The following NCOA2 variants were observed in gnomAD, a reference collection of about 807,000 sequenced individuals.
NCOA2 encodes the protein nuclear receptor coactivator 2.
A neutral mutation model predicts 145.1 loss-of-function variants in NCOA2; 21 were observed. That is an observed-to-expected ratio of 0.14 (90% CI 0.10 to 0.21). The LOEUF (loss-of-function observed/expected upper bound fraction) is 0.21, where lower values mean the gene tolerates loss of function less well. Among genes scored for constraint, NCOA2 ranks in the 10% least tolerant of loss-of-function variants. The pLI, the probability that NCOA2 is intolerant of heterozygous loss-of-function variation, is 1.00. For synonymous variants in NCOA2, 619 were observed against 637.5 expected (o/e 0.97, Z 0.44); for missense variants, 1,472 against 1,837.6 (o/e 0.80, Z 3.64).
intron 21 of NCOA2, among the ~76,000 whole-genome samples, chr8:70,123,213 G>A (rs1808021180): frequency 1.3e-5 from 2 of 152,130 alleles, no homozygotes; most frequent in Non-Finnish European, 2.9e-5. Context: ...TTGCCTTCAC[G>A]TTCCAAAGTA....
At chr8:70,400,076 T>C (rs1463046731) in intron 1 of NCOA2, among the ~76,000 whole-genome samples, 1 of 152,142 alleles carries the variant, frequency 6.6e-6, no homozygotes, top group Non-Finnish European at 1.5e-5. Context: ...CAAATCCCCC[T>C]CCAAGCCTTA....
rs879309098 is a variant in NCOA2, at chr8:70,110,180, GAC to G, written c.*3450_*3451del. On this transcript the variant is annotated 3_prime_UTR_variant, in exon 23 of 23. Coordinates refer to ENST00000452400, the MANE Select transcript of NCOA2 (RefSeq NM_006540.4). ...CTCACAAATGACAAAGGAAAAAAATGACAGTTAAATGTCTGAAGAAATGTATC... is the reference window on the plus strand; with the variant it reads ...CTCACAAATGACAAAGGAAAAAAATGAGTTAAATGTCTGAAGAAATGTATC... 70 of 201,900 alleles carry G rather than the reference GAC, an allele frequency of 3.5e-4. No homozygotes were observed. Among genetic ancestry groups the G allele is most frequent in the Admixed American group, 9.0e-4 (15 of 16,724 alleles). 12.5% of individuals were successfully genotyped at this position (201,900 alleles called of 1,614,324 possible). A position where few individuals can be genotyped will look rare whatever the true frequency, so the allele number is the denominator to read the frequency against.
chr8:70,412,070 A>T, the NCOA2 span, among the ~76,000 whole-genome samples: 1 of 152,190 alleles, frequency 6.6e-6, no homozygotes, highest in Non-Finnish European at 1.5e-5. Flanking sequence ...GAAGACAGGG[A>T]TTATATTTTA....
chr8:70,277,595 CCAGA>C (rs1445094485), intron 2 of NCOA2, among the ~76,000 whole-genome samples: 1 of 152,112 alleles, frequency 6.6e-6, no homozygotes, highest in Non-Finnish European at 1.5e-5. Flanking sequence ...GTATTAAGGG[CCAGA>C]CAGTTGAGTA....
At position 70,292,461 on chromosome 8, in the gene NCOA2, GAATCGCTTA is replaced by G. The variant is rs1826768922; in HGVS notation, c.-20+4274_-20+4282del. 2.7e-5 allele frequency among the ~76,000 whole-genome samples: 4 copies of G among 150,686 alleles called. 1 individual carries two copies. The South Asian group carries it at 8.4e-4, about 32-fold the overall frequency. On this transcript the variant is annotated intron_variant, in intron 2 of 22. Transcript: ENST00000452400. ...CACCGCACCCAGCCCTGAGGCAGGA[GAATCGCTTA>G]AATCCAGGAGGCAGAGGCTGCAGTG...
At chr8:70,273,294 C>T (rs990021226) in intron 2 of NCOA2, 1 of 249,172 alleles carries the variant, frequency 4.0e-6, no homozygotes, top group African/African-American at 2.3e-5. Context: ...TGTGTGTGCA[C>T]CTAATCTCAG....
Position 70,138,211 on chromosome 8 carries a change from G to T in NCOA2, c.3150C>A (p.Ser1050Arg). ...ILPIDQASFA[S>R]QNRQPFGSSP... The stretch of plus-strand genomic sequence containing the variant: ...AGGTGCTCAGGACTCACCTGTTTTG[G>T]CTGGCAAAAGACGCCTGGTCTATAG... The change falls in exon 15 of 23, where the codon AGC (serine) becomes AGA (arginine). Residue 1050 changes from serine to arginine, a missense_variant. Ser to Arg is a moderately radical substitution (Grantham distance 110). Transcript: ENST00000452400. 6.2e-7 allele frequency: 1 copy of T among 1,612,746 alleles called. No homozygotes were observed. Among genetic ancestry groups the T allele is most frequent in the South Asian group, 1.1e-5 (1 of 90,814 alleles).
chr8:70,131,583 A>G (rs1345668781), intron 16 of NCOA2, among the ~76,000 whole-genome samples: 1 of 152,074 alleles, frequency 6.6e-6, no homozygotes, highest in Non-Finnish European at 1.5e-5. Context: ...GGTGAAATGG[A>G]CTTGAGTTTG....
intron 1 of NCOA2, among the ~76,000 whole-genome samples, chr8:70,381,780 C>T (rs1812214942): frequency 6.6e-6 from 1 of 152,168 alleles, no homozygotes; most frequent in Non-Finnish European, 1.5e-5. Context: ...ACCTCTGAAG[C>T]TCTCATGTAA....
chr8:70,114,628 T>C (rs1056319565), intron 22 of NCOA2, among the ~76,000 whole-genome samples: 1 of 152,216 alleles, frequency 6.6e-6, no homozygotes, highest in African/African-American at 2.4e-5. Context: ...GAGATTATAA[T>C]TGTACCTTGC....
chr8:70,118,926 G>A (rs776027176), intron 22 of NCOA2, among the ~76,000 whole-genome samples: 18 of 152,076 alleles, frequency 1.2e-4, no homozygotes, highest in Non-Finnish European at 1.8e-4. Context: ...GACCTCAGGT[G>A]ATCCATCCGC....
chr8:70,235,180 T>C (rs1821488296), intron 2 of NCOA2, among the ~76,000 whole-genome samples: 1 of 152,236 alleles, frequency 6.6e-6, no homozygotes, highest in Non-Finnish European at 1.5e-5. Context: ...AAAACATGGA[T>C]GAACCTTGAG....
rs117604804 is a variant in NCOA2, at chr8:70,197,119, A to G, written c.259+16784T>C. 2.0e-5 allele frequency among the ~76,000 whole-genome samples: 3 copies of G among 152,310 alleles called. No homozygotes were observed. The East Asian group carries it at 5.8e-4, about 29-fold the overall frequency. Reference sequence around the variant, plus strand: ...CGCTGCTAAAGAAAAAAGTATAGTTAAGTAGCCCTGGATACAAGGAATTTT... The same window carrying G: ...CGCTGCTAAAGAAAAAAGTATAGTTGAGTAGCCCTGGATACAAGGAATTTT... On this transcript the variant is annotated intron_variant, in intron 4 of 22. Transcript: ENST00000452400.
intron 6 of NCOA2, among the ~76,000 whole-genome samples, chr8:70,169,824 T>C (rs1305461614): frequency 2.0e-5 from 3 of 152,218 alleles, no homozygotes; most frequent in Non-Finnish European, 2.9e-5. Context: ...ACTTTCCATC[T>C]GAATCATTTT....
chr8:70,337,463 G>C (rs897953345), intron 1 of NCOA2, among the ~76,000 whole-genome samples: 1 of 152,078 alleles, frequency 6.6e-6, no homozygotes, highest in African/African-American at 2.4e-5. Flanking sequence ...GCTGAGACTC[G>C]AATAGTGATC....
At chr8:70,364,486 G>A (rs756883425) in intron 1 of NCOA2, among the ~76,000 whole-genome samples, 1 of 152,144 alleles carries the variant, frequency 6.6e-6, no homozygotes, top group Non-Finnish European at 1.5e-5. Flanking sequence ...AAGAAACAGC[G>A]TCGAGGAACC....
intron 4 of NCOA2, among the ~76,000 whole-genome samples, chr8:70,193,408 C>A (rs1374274672): frequency 6.6e-6 from 1 of 151,974 alleles, no homozygotes; most frequent in Non-Finnish European, 1.5e-5. Context: ...CTTAAGAAAG[C>A]ATGGAAGTGA....
rs71558579 is a variant in NCOA2, at chr8:70,116,186, T to TAAAAAAAAAAA, written c.4384-2554_4384-2544dup. Among the ~76,000 whole-genome samples, 64 of 80,644 alleles carry TAAAAAAAAAAA rather than the reference T, an allele frequency of 7.9e-4. 1 individual carries two copies. The highest frequency in any genetic ancestry group is 3.1e-3 in the African/African-American group (58 of 18,670). 52.9% of individuals were successfully genotyped at this position (80,644 alleles called of 152,430 possible). ...TGGGCGACAAAGCGAGACTCTGTCTTAAAAAAAAAAAAAAAAAAAAAGGAT... is the reference window on the plus strand; with the variant it reads ...TGGGCGACAAAGCGAGACTCTGTCTTAAAAAAAAAAAAAAAAAAAAAAAAAAAAAAAAGGAT... On this transcript the variant is annotated intron_variant, in intron 22 of 22. Coordinates refer to ENST00000452400, the MANE Select transcript of NCOA2 (RefSeq NM_006540.4).
intron 1 of NCOA2, among the ~76,000 whole-genome samples, chr8:70,311,406 T>C (rs991020897): frequency 5.9e-5 from 9 of 152,290 alleles, no homozygotes; most frequent in South Asian, 2.1e-4. Flanking sequence ...GCACATTACA[T>C]AGTAATTTGT....
Sources: gnomAD v4.1 joint callset for allele counts (sites outside exome capture counted in the v4.1 genomes callset) on GRCh38, gnomAD v4.1.1 for gene constraint, MANE v1.5 for transcripts, NCBI Gene and HGNC (gene_info 2026-07-23, HGNC 2026-07-21) for gene names.